ATP6V1B2: variants seen among roughly 807,000 people sequenced by gnomAD.
The protein encoded by ATP6V1B2 is V-type proton ATPase subunit B, brain isoform.
ATP6V1B2 carries 23 observed loss-of-function variants against 66.7 expected under a neutral mutation model. The observed-to-expected ratio is 0.34, with a 90% CI of 0.25 to 0.49. The LOEUF (loss-of-function observed/expected upper bound fraction) is 0.49, where lower values mean the gene tolerates loss of function less well. Ranked by LOEUF, ATP6V1B2 falls within the 20% of genes least tolerant of loss-of-function variation. The pLI is 0.99. For missense variants in ATP6V1B2, 478 were observed against 650.8 expected (o/e 0.73, Z 2.89); for synonymous variants, 278 against 236.7 (o/e 1.17, Z -1.60).
At chr8:20,216,964 G>A (rs2072860561) in intron 11 of ATP6V1B2, 1 of 403,734 alleles carries the variant, frequency 2.5e-6, no homozygotes, top group Non-Finnish European at 4.5e-6. Flanking sequence ...TGAAAGTTGA[G>A]TTTTTTAAAA....
intron 6 of ATP6V1B2, 117 bp from the exon 7 acceptor site, chr8:20,211,535 C>T (rs1040149056): frequency 1.6e-6 from 2 of 1,285,000 alleles, no homozygotes; most frequent in African/African-American, 3.0e-5. Context: ...GAATGAATAC[C>T]CTAAAACATC....
chr8:20,210,037 C>CT (rs994216084), intron 3 of ATP6V1B2, among the ~76,000 whole-genome samples: 15 of 148,232 alleles, frequency 1.0e-4, no homozygotes, highest in African/African-American at 3.7e-4. Context: ...TTCTTTCTTT[C>CT]TTTTTTTTGA....
intron 1 of ATP6V1B2, 61 bp downstream of exon 1, chr8:20,197,603 A>G (rs1207660311): frequency 6.1e-6 from 8 of 1,310,856 alleles, no homozygotes; most frequent in Middle Eastern, 2.0e-4. Context: ...CTTTGCTCCC[A>G]GTCACCTGCT....
At chr8:20,209,572 T>C in intron 3 of ATP6V1B2, 41 bp downstream of exon 3, 1 of 1,531,198 alleles carries the variant, frequency 6.5e-7, no homozygotes, top group South Asian at 1.1e-5. Context: ...CCTAGTTGCC[T>C]ACACATAGGG....
At chr8:20,209,707 C>T (rs1003627245) in intron 3 of ATP6V1B2, among the ~76,000 whole-genome samples, 176 bp downstream of exon 3, 5 of 152,076 alleles carry the variant, frequency 3.3e-5, no homozygotes, top group East Asian at 1.9e-4. Flanking sequence ...TCACTTAGTC[C>T]GATAGCAACA....
intron 12 of ATP6V1B2, among the ~76,000 whole-genome samples, 173 bp downstream of exon 12, chr8:20,217,497 T>C (rs2072867917): frequency 6.6e-6 from 1 of 152,204 alleles, no homozygotes; most frequent in South Asian, 2.1e-4. Context: ...CCTTTTCCCA[T>C]AAGGACAGAT....
intron 13 of ATP6V1B2, among the ~76,000 whole-genome samples, chr8:20,219,893 C>T (rs2072891446): frequency 6.6e-6 from 1 of 152,128 alleles, no homozygotes; most frequent in South Asian, 2.1e-4. Flanking sequence ...CAAATTCAGC[C>T]TTTTCTCTTT....
intron 1 of ATP6V1B2, among the ~76,000 whole-genome samples, chr8:20,200,265 G>A (rs969027951): frequency 5.3e-5 from 8 of 151,778 alleles, no homozygotes; most frequent in African/African-American, 1.7e-4. Flanking sequence ...AGATCCGCCC[G>A]CCATGGCCTC....
chr8:20,214,580 C>T (rs923635328), intron 9 of ATP6V1B2: 5 of 336,008 alleles, frequency 1.5e-5, no homozygotes, highest in Non-Finnish European at 2.6e-5. Context: ...TGAAAACTTA[C>T]ATTATGGCAA....
intron 8 of ATP6V1B2, among the ~76,000 whole-genome samples, chr8:20,212,483 A>G (rs2072805104): frequency 6.6e-6 from 1 of 152,196 alleles, no homozygotes; most frequent in South Asian, 2.1e-4. Context: ...AACTCTCTGT[A>G]AATGATTTTT....
intron 6 of ATP6V1B2, 27 bp from the exon 7 acceptor site, chr8:20,211,625 A>C (rs749036513): frequency 1.3e-6 from 2 of 1,572,368 alleles, no homozygotes; most frequent in Non-Finnish European, 1.7e-6. Context: ...TTAGATTTCA[A>C]CTGAATTCTT....
intron 1 of ATP6V1B2, among the ~76,000 whole-genome samples, chr8:20,200,275 C>T (rs965083076): frequency 2.0e-5 from 3 of 152,096 alleles, no homozygotes; most frequent in African/African-American, 7.3e-5. Flanking sequence ...GCCATGGCCT[C>T]TCAAAGTGCT....
intron 2 of ATP6V1B2, among the ~76,000 whole-genome samples, chr8:20,205,943 A>T (rs959042333): frequency 6.6e-6 from 1 of 152,248 alleles, no homozygotes; most frequent in African/African-American, 2.4e-5. Context: ...ATGTAATTCA[A>T]CACATTCATG....
rs2072907013 is a variant in ATP6V1B2, at chr8:20,221,532, G to A, written c.*1130G>A. ...TGTTCTTTGTTACTTGGGTGCAATAGCAACTTCCCTACCCCGTGCATTCCA... is the reference window on the plus strand; with the variant it reads ...TGTTCTTTGTTACTTGGGTGCAATAACAACTTCCCTACCCCGTGCATTCCA... On this transcript the variant is annotated 3_prime_UTR_variant, in exon 14 of 14. Coordinates refer to ENST00000276390, the MANE Select transcript of ATP6V1B2 (RefSeq NM_001693.4). 6.6e-6 allele frequency: 1 copy of A among 152,546 alleles called. No individual in the cohort carries two copies. Among genetic ancestry groups the A allele is most frequent in the South Asian group, 2.1e-4 (1 of 4,832 alleles). The allele number at this position is 152,546 out of a possible 1,614,324, so 9.4% of individuals were successfully genotyped here.
chr8:20,198,371 A>G (rs1228425990), intron 1 of ATP6V1B2, among the ~76,000 whole-genome samples: 2 of 152,190 alleles, frequency 1.3e-5, no homozygotes, highest in Non-Finnish European at 2.9e-5. Flanking sequence ...CTTTGCCCAT[A>G]GGTGGTGTGT....
In ATP6V1B2 at chr8:20,220,452, T is replaced by C; in HGVS notation, c.*50T>C. On this transcript the variant is annotated 3_prime_UTR_variant, in exon 14 of 14. Transcript: ENST00000276390. ...CTCTTGTGAAATACTGGTTCTGTTT[T>C]CTTTATTCCTTTTGCACTCTCGGTT... 1.3e-6 allele frequency: 2 copies of C among 1,495,112 alleles called. No homozygotes were observed. The highest frequency in any genetic ancestry group is 1.8e-6 in the Non-Finnish European group (2 of 1,128,130). The allele number at this position is 1,495,112 out of a possible 1,614,324, so 92.6% of individuals were successfully genotyped here. A position where few individuals can be genotyped will look rare whatever the true frequency, so the allele number is the denominator to read the frequency against.
At position 20,212,273 on chromosome 8, in the gene ATP6V1B2, A is replaced by C. The variant is rs941763773; in HGVS notation, c.803+74A>C. On this transcript the variant is annotated intron_variant, in intron 8 of 13. Coordinates refer to ENST00000276390, the MANE Select transcript of ATP6V1B2 (RefSeq NM_001693.4). Reference sequence around the variant, plus strand: ...GTGTGTCTTAAGGTTGGGGAGGTAAAATGTGGTAATAACAGCATTTGGACC... The same window carrying C: ...GTGTGTCTTAAGGTTGGGGAGGTAACATGTGGTAATAACAGCATTTGGACC... The C allele has an allele frequency of 5.7e-6, 8 of 1,409,220 alleles. No individual in the cohort carries two copies. In the African/African-American group the frequency reaches 1.0e-4, roughly 18 times the overall value. The allele number at this position is 1,409,220 out of a possible 1,614,324, so 87.3% of individuals were successfully genotyped here.
intron 2 of ATP6V1B2, 59 bp downstream of exon 2, chr8:20,204,598 A>G (rs373240364): frequency 7.0e-6 from 10 of 1,435,776 alleles, no homozygotes; most frequent in Admixed American, 1.8e-5. Context: ...ATTAAGTCCT[A>G]TTTAGTATAC....
At chr8:20,204,098 CCT>C in intron 1 of ATP6V1B2, 1 of 435,874 alleles carries the variant, frequency 2.3e-6, no homozygotes, top group Non-Finnish European at 4.5e-6. Flanking sequence ...GAACTATTCC[CCT>C]GTTTCTGCTG....
Sources: allele counts gnomAD v4.1 joint callset (sites outside exome capture counted in the v4.1 genomes callset), GRCh38; gene constraint gnomAD v4.1.1; transcripts MANE v1.5; gene names NCBI Gene and HGNC (gene_info 2026-07-23, HGNC 2026-07-21).